LSM6: variants seen among roughly 807,000 people sequenced by gnomAD.
LSM6 encodes the protein LSM6 homolog, U6 small nuclear RNA and mRNA degradation associated.
In LSM6, 2 loss-of-function variants were observed where a neutral mutation model predicts 13.5. The ratio of observed to expected loss-of-function variants is 0.15; its 90% CI spans 0.06 to 0.47. The LOEUF (loss-of-function observed/expected upper bound fraction) is 0.47. Among genes scored for constraint, LSM6 ranks in the 20% least tolerant of loss-of-function variants. The pLI is 0.97. For missense variants in LSM6, 58 were observed against 96.4 expected, an observed-to-expected ratio of 0.60 and a Z score of 1.67; for synonymous variants, 43 against 34.9, an observed-to-expected ratio of 1.23 and a Z score of -0.82.
chr4:146,186,955 A>G (rs1216654626), intron 2 of LSM6, among the ~76,000 whole-genome samples: 1 of 152,134 alleles, frequency 6.6e-6, no homozygotes, highest in Non-Finnish European at 1.5e-5. Flanking sequence ...AAAGAATGGT[A>G]TTTTTGCCGG....
chr4:146,189,497 A>G, intron 3 of LSM6, 125 bp from the exon 4 acceptor site: 1 of 663,522 alleles, frequency 1.5e-6, no homozygotes, highest in Non-Finnish European at 2.7e-6. Flanking sequence ...TAATTGAATG[A>G]TACGAGAATT....
intron 2 of LSM6, 47 bp downstream of exon 2, chr4:146,183,062 A>T (rs1394885478): frequency 7.6e-7 from 1 of 1,309,866 alleles, no homozygotes; most frequent in African/African-American, 1.4e-5. Flanking sequence ...GAATAAGTAA[A>T]TGTGACTTAC....
Position 146,189,782 on chromosome 4 carries a change from G to A in LSM6, c.*126G>A. The A allele has an allele frequency of 1.5e-6, 1 of 656,836 alleles. No individual in the cohort carries two copies. Among genetic ancestry groups the A allele is most frequent in the Non-Finnish European group, 2.7e-6 (1 of 370,732 alleles). The allele number at this position is 656,836 out of a possible 1,614,324, so 40.7% of individuals were successfully genotyped here. A position where few individuals can be genotyped will look rare whatever the true frequency, so the allele number is the denominator to read the frequency against. ...ATAGTTGGTGATTTTTCACTGACAT[G>A]TGAGTAAGATAAATGTATACAATTG... On this transcript the variant is annotated 3_prime_UTR_variant, in exon 4 of 4. Transcript: ENST00000296581.
Position 146,178,177 on chromosome 4 carries a change from A to G in LSM6, c.-11+2366A>G, listed in dbSNP as rs186014876. Among the ~76,000 whole-genome samples the G allele has an allele frequency of 3.3e-4, 50 of 152,326 alleles. No homozygotes were observed. The East Asian group carries it at 7.1e-3, about 22-fold the overall frequency. ...GGATTTTGCTTGGCACTGGCCTTGA[A>G]TGTCTCTTCCACAGACTTGGGTAGT... On this transcript the variant is annotated intron_variant, in intron 1 of 3. Transcript: ENST00000296581.
intron 2 of LSM6, among the ~76,000 whole-genome samples, chr4:146,183,870 C>CTTTTTTTTT (rs1206702736): frequency 8.5e-6 from 1 of 117,494 alleles, no homozygotes. Flanking sequence ...GGGTAATTTT[C>CTTTTTTTTT]TTTTTTTTTT....
In LSM6 at chr4:146,182,017, A is replaced by G. The variant is rs186010257; in HGVS notation, c.-10-895A>G. On this transcript the variant is annotated intron_variant, in intron 1 of 3. Transcript: ENST00000296581. The stretch of plus-strand genomic sequence containing the variant: ...TCATTATTTAGAGCACATATCTGCT[A>G]TAGTCCTAATAGAGTAATTAAAAAT... Among the ~76,000 whole-genome samples, 18 of 152,298 alleles carry G rather than the reference A, an allele frequency of 1.2e-4. No individual in the cohort carries two copies. In the East Asian group the frequency reaches 2.7e-3, roughly 23 times the overall value.
At chr4:146,188,272 C>T (rs1372878539) in intron 3 of LSM6, among the ~76,000 whole-genome samples, 2 of 152,118 alleles carry the variant, frequency 1.3e-5, no homozygotes, top group African/African-American at 2.4e-5. Flanking sequence ...ATTTGACCTC[C>T]TCTTTTTCCT....
At chr4:146,182,087 A>AT (rs1730245010) in intron 1 of LSM6, among the ~76,000 whole-genome samples, 1 of 152,208 alleles carries the variant, frequency 6.6e-6, no homozygotes, top group South Asian at 2.1e-4. Flanking sequence ...TAAGGTTGTG[A>AT]TTAAGAGTAT....
chr4:146,179,833 T>A (rs1446758156), intron 1 of LSM6, among the ~76,000 whole-genome samples: 1 of 152,220 alleles, frequency 6.6e-6, no homozygotes, highest in African/African-American at 2.4e-5. Flanking sequence ...TTCCTATCAT[T>A]GACAACAGTA....
rs1730369030 is a variant in LSM6 at position 146,187,217 on chromosome 4, T to C, written c.95-57T>C. 57 of 918,974 alleles carry C rather than the reference T, an allele frequency of 6.2e-5. No homozygotes were observed. The South Asian group carries it at 7.5e-4, about 12-fold the overall frequency. The allele number at this position is 918,974 out of a possible 1,614,324, so 56.9% of individuals were successfully genotyped here. ...ATTGTCTGCTCTAAGGTATACCCTG[T>C]AATTTTCAACTCTTATTTGCCTTGT... On this transcript the variant is annotated intron_variant, in intron 2 of 3. Coordinates refer to ENST00000296581, the MANE Select transcript of LSM6 (RefSeq NM_007080.3).
At chr4:146,178,842 C>G (rs1241799470) in intron 1 of LSM6, among the ~76,000 whole-genome samples, 1 of 152,184 alleles carries the variant, frequency 6.6e-6, no homozygotes, top group Non-Finnish European at 1.5e-5. Context: ...CAAGATTTAA[C>G]CAGAGAATCT....
At chr4:146,176,223 C>G (rs1730104826) in intron 1 of LSM6, 1 of 152,304 alleles carries the variant, frequency 6.6e-6, no homozygotes, top group Non-Finnish European at 1.5e-5. Flanking sequence ...GAACCCAGGC[C>G]TAGGCTTCGC....
At position 146,175,809 on chromosome 4, in the gene LSM6, G is replaced by A. The variant is rs1045901592; in HGVS notation, c.-13G>A. On this transcript the variant is annotated splice_region_variant and 5_prime_UTR_variant, in exon 1 of 4. Coordinates refer to ENST00000296581, the MANE Select transcript of LSM6 (RefSeq NM_007080.3). ...AGTGAGGGTTCTGGTTCCCGCCGGC[G>A]AGGTGAGCCGCACCGCTGCGCGGGC... 6.6e-6 allele frequency: 1 copy of A among 152,362 alleles called. No individual in the cohort carries two copies. The highest frequency in any genetic ancestry group is 1.5e-5 in the Non-Finnish European group (1 of 68,164). 9.4% of individuals were successfully genotyped at this position (152,362 alleles called of 1,614,324 possible).
chr4:146,185,211 C>G (rs1361943908), intron 2 of LSM6, among the ~76,000 whole-genome samples: 1 of 152,182 alleles, frequency 6.6e-6, no homozygotes, highest in African/African-American at 2.4e-5. Flanking sequence ...GGCCCTGCAT[C>G]AGGGAACTTG....
At chr4:146,188,985 C>CTTTTTTTTTTTTTTTTTTTTTTTTTTT in intron 3 of LSM6, among the ~76,000 whole-genome samples, 1 of 131,340 alleles carries the variant, frequency 7.6e-6, no homozygotes, top group Non-Finnish European at 1.6e-5. Context: ...TGAAAAGCAT[C>CTTTTTTTTTTTTTTTTTTTTTTTTTTT]TTTTTTTTTT....
intron 2 of LSM6, 171 bp downstream of exon 2, chr4:146,183,186 ACT>A (rs1560712027): frequency 1.2e-5 from 6 of 510,094 alleles, no homozygotes; most frequent in South Asian, 4.2e-5. Flanking sequence ...TAGAAGGACA[ACT>A]CTGACAGTAT....
At position 146,189,651 on chromosome 4, in the gene LSM6, A is replaced by T. The variant is rs141653390; in HGVS notation, c.238A>T (p.Met80Leu). The T allele has an allele frequency of 1.6e-5, 26 of 1,601,388 alleles. No individual in the cohort carries two copies. The highest frequency in any genetic ancestry group is 3.3e-4 in the Middle Eastern group (2 of 6,054). ...VLYISTQKRRM is the reference protein window; with the variant it reads ...VLYISTQKRRL ...GTACATCAGTACACAGAAGAGACGG[A>T]TGTGAAGACACCAAGAGAGCAACGC... Residue 80 changes from methionine (M) to leucine (L), a missense_variant, in exon 4 of 4, where the codon ATG becomes TTG. Physicochemically the swap from Met to Leu is conservative, Grantham distance 15 (BLOSUM62 2). Around this residue, in one of 3 missense-constraint regions of LSM6, gnomAD observed 23 missense variants for 27.5 expected, o/e 0.84. Transcript: ENST00000296581.
chr4:146,187,519 C>T (rs957804210), intron 3 of LSM6, 132 bp downstream of exon 3: 1 of 579,090 alleles, frequency 1.7e-6, no homozygotes, highest in Non-Finnish European at 3.1e-6. Flanking sequence ...GCTTATATGT[C>T]AGATCTTCAG....
rs760459164 is a variant in LSM6, at chr4:146,190,989, G to A, written c.*1333G>A. The A allele has an allele frequency of 6.6e-5, 10 of 152,156 alleles. No individual in the cohort carries two copies. In the South Asian group the frequency reaches 1.0e-3, roughly 16 times the overall value. The allele number at this position is 152,156 out of a possible 1,614,324, so 9.4% of individuals were successfully genotyped here. ...GTCTTGGTTTATTTTAAAGATCAGAGAGTAATTGGAAACAATTATTTTTTA... is the reference window on the plus strand; with the variant it reads ...GTCTTGGTTTATTTTAAAGATCAGAAAGTAATTGGAAACAATTATTTTTTA... On this transcript the variant is annotated 3_prime_UTR_variant, in exon 4 of 4. Transcript: ENST00000296581.
Sources: allele counts gnomAD v4.1 joint callset (sites outside exome capture counted in the v4.1 genomes callset), GRCh38; gene constraint gnomAD v4.1.1; regional missense constraint gnomAD v4.1.1; transcripts MANE v1.5; gene names NCBI Gene and HGNC (gene_info 2026-07-23, HGNC 2026-07-21).